DTD1: variants seen among roughly 807,000 people sequenced by gnomAD.
DTD1 encodes D-tyrosyl-tRNA deacylase 1 homolog.
Under a neutral mutation model 25.6 loss-of-function variants are expected in DTD1, and 13 were observed. That is an observed-to-expected ratio of 0.51 (90% confidence interval 0.33 to 0.81). The LOEUF (loss-of-function observed/expected upper bound fraction) is 0.81, where lower values mean the gene tolerates loss of function less well. Ranked by LOEUF, DTD1 falls within the 30% of genes least tolerant of loss-of-function variation. The pLI is 0.02. For synonymous variants in DTD1, 110 were observed against 103.6 expected, an observed-to-expected ratio of 1.06 and a Z score of -0.37; for missense variants, 193 against 266.4, an observed-to-expected ratio of 0.72 and a Z score of 1.92.
At chr20:18,659,892 G>T (rs1206020456) in intron 4 of DTD1, among the ~76,000 whole-genome samples, 1 of 151,456 alleles carries the variant, frequency 6.6e-6, no homozygotes, top group Admixed American at 6.6e-5. Context: ...TGCACGTTCA[G>T]CACATGTATC....
chr20:18,663,450 A>G (rs1396661495), intron 4 of DTD1, among the ~76,000 whole-genome samples: 1 of 152,220 alleles, frequency 6.6e-6, no homozygotes, highest in African/African-American at 2.4e-5. Flanking sequence ...AATTTAATAG[A>G]TCAAATTACA....
chr20:18,703,521 G>A (rs1301771051), intron 4 of DTD1, among the ~76,000 whole-genome samples: 1 of 151,646 alleles, frequency 6.6e-6, no homozygotes, highest in Non-Finnish European at 1.5e-5. Context: ...GAGACCAGTT[G>A]ATAATCCTCC....
At chr20:18,704,759 G>A (rs962845637) in intron 4 of DTD1, among the ~76,000 whole-genome samples, 1 of 152,078 alleles carries the variant, frequency 6.6e-6, no homozygotes, top group Non-Finnish European at 1.5e-5. Flanking sequence ...TCACCCCAAA[G>A]AATTATCCAG....
At chr20:18,616,683 T>C (rs1460962973) in intron 3 of DTD1, among the ~76,000 whole-genome samples, 5 of 152,154 alleles carry the variant, frequency 3.3e-5, no homozygotes, top group African/African-American at 7.2e-5. Flanking sequence ...GGTGCACGCC[T>C]ATAGTCCCAG....
chr20:18,625,147 G>A (rs1451982711), intron 3 of DTD1, among the ~76,000 whole-genome samples: 2 of 152,202 alleles, frequency 1.3e-5, no homozygotes, highest in African/African-American at 2.4e-5. Flanking sequence ...CTGATAAGGG[G>A]AGCCCAAAGC....
intron 4 of DTD1, among the ~76,000 whole-genome samples, chr20:18,657,243 T>C (rs748902433): frequency 1.1e-4 from 17 of 152,222 alleles, no homozygotes; most frequent in African/African-American, 2.2e-4. Flanking sequence ...AGTGCCTACT[T>C]TGCCGATTAA....
intron 4 of DTD1, among the ~76,000 whole-genome samples, chr20:18,713,615 C>T (rs1032818831): frequency 5.9e-5 from 9 of 152,154 alleles, no homozygotes; most frequent in Non-Finnish European, 1.2e-4. Context: ...ATCTTCTGAC[C>T]GTATCCTCCG....
intron 4 of DTD1, among the ~76,000 whole-genome samples, chr20:18,701,730 G>A (rs1224628917): frequency 6.6e-6 from 1 of 152,220 alleles, no homozygotes; most frequent in Non-Finnish European, 1.5e-5. Flanking sequence ...CAGTGCCTGG[G>A]ATGCAGTAGG....
chr20:18,648,912 C>T (rs1002622905), intron 4 of DTD1, among the ~76,000 whole-genome samples: 6 of 135,906 alleles, frequency 4.4e-5, no homozygotes, highest in African/African-American at 1.7e-4. Flanking sequence ...GGGAGAATGA[C>T]GTGAACCCGG....
chr20:18,664,363 T>TCTTCCCA (rs1245035059), intron 4 of DTD1, among the ~76,000 whole-genome samples: 2 of 152,190 alleles, frequency 1.3e-5, no homozygotes, highest in Non-Finnish European at 2.9e-5. Flanking sequence ...GAGAAAGTGT[T>TCTTCCCA]CTTCCCACTC....
Position 18,683,644 on chromosome 20 carries a change from C to A in DTD1, c.477+55411C>A, listed in dbSNP as rs528129627. ...TCTGAGTGTGGATCATAGGGCCCAA[C>A]AGGCTTTGACTGAGCCACTGCTTTT... is the stretch of plus-strand genomic sequence containing the variant. On this transcript the variant is annotated intron_variant, in intron 4 of 5. Transcript: ENST00000377452. 6.4e-4 allele frequency among the ~76,000 whole-genome samples: 98 copies of A among 152,314 alleles called. 1 individual carries two copies. The highest frequency in any genetic ancestry group is 1.3e-3 in the Non-Finnish European group (87 of 68,038).
intron 4 of DTD1, among the ~76,000 whole-genome samples, chr20:18,699,075 G>A (rs750766305): frequency 6.6e-6 from 1 of 152,214 alleles, no homozygotes; most frequent in Non-Finnish European, 1.5e-5. Flanking sequence ...AAGTGGATTT[G>A]TGGCATTTTC....
At chr20:18,744,398 C>A in intron 5 of DTD1, 127 bp downstream of exon 5, 1 of 1,049,548 alleles carries the variant, frequency 9.5e-7, no homozygotes. Flanking sequence ...CTTAAATCTG[C>A]TGCCTTCCAG....
At chr20:18,649,412 C>G (rs947200449) in intron 4 of DTD1, among the ~76,000 whole-genome samples, 6 of 137,610 alleles carry the variant, frequency 4.4e-5, no homozygotes, top group African/African-American at 1.6e-4. Flanking sequence ...GATCTCCGCT[C>G]ACTGCAACAT....
chr20:18,593,737 G>C lies in DTD1; in HGVS notation c.50G>C (p.Gly17Ala). 1 of 1,613,844 alleles carries C rather than the reference G, an allele frequency of 6.2e-7. No individual in the cohort carries two copies. The change falls in exon 2 of 6, where the codon GGA becomes GCA. Residue 17 changes from glycine to alanine, a missense_variant. Transcript: ENST00000377452. ...CCTTTTGGTTCCTTTCTAGTTGGAG[G>C]AGAGCAGATTAGTGCCATTGGAAGG... is the stretch of plus-strand genomic sequence containing the variant. ...RVTRASVTVG[G>A]EQISAIGRGI...
At chr20:18,660,361 A>G (rs1298655288) in intron 4 of DTD1, among the ~76,000 whole-genome samples, 1 of 152,102 alleles carries the variant, frequency 6.6e-6, no homozygotes, top group Non-Finnish European at 1.5e-5. Context: ...CTGGGACTAT[A>G]GGTGCACACA....
At chr20:18,653,538 T>C (rs2082293540) in intron 4 of DTD1, among the ~76,000 whole-genome samples, 1 of 152,258 alleles carries the variant, frequency 6.6e-6, no homozygotes, top group Non-Finnish European at 1.5e-5. Context: ...GAAATTCAAA[T>C]AATTTTTACT....
At chr20:18,667,534 A>G (rs1443422496) in intron 4 of DTD1, among the ~76,000 whole-genome samples, 1 of 151,858 alleles carries the variant, frequency 6.6e-6, no homozygotes, top group African/African-American at 2.4e-5. Flanking sequence ...AGGATGGCAC[A>G]TGAGAGGGCG....
chr20:18,716,385 T>A (rs1423960925), intron 4 of DTD1, among the ~76,000 whole-genome samples: 2 of 152,140 alleles, frequency 1.3e-5, no homozygotes, highest in Non-Finnish European at 2.9e-5. Context: ...GGAAGCAGCA[T>A]CATGTCACAC....
Sources: gnomAD v4.1 joint callset for allele counts (sites outside exome capture counted in the v4.1 genomes callset) on GRCh38, gnomAD v4.1.1 for gene constraint, MANE v1.5 for transcripts, NCBI Gene and HGNC (gene_info 2026-07-23, HGNC 2026-07-21) for gene names.